Variants in WDPCP observed in about 807,000 individuals in gnomAD.
WDPCP encodes the protein WD repeat containing planar cell polarity effector.
Under a neutral mutation model 93.1 loss-of-function variants are expected in WDPCP, and 71 were observed. That is an observed-to-expected ratio of 0.76 (90% CI 0.63 to 0.93). The LOEUF (loss-of-function observed/expected upper bound fraction) is 0.93. Ranked by LOEUF, WDPCP falls within the 40% of genes least tolerant of loss-of-function variation. The pLI, the probability that WDPCP is intolerant of heterozygous loss-of-function variation, is 0.00. For synonymous variants in WDPCP, 315 were observed against 315.0 expected (o/e 1.00, Z 0.00); for missense variants, 844 against 887.4 (o/e 0.95, Z 0.62).
intron 2 of WDPCP, among the ~76,000 whole-genome samples, chr2:63,732,377 T>C (rs1015511939): frequency 2.0e-5 from 3 of 152,060 alleles, no homozygotes; most frequent in Non-Finnish European, 4.4e-5. Flanking sequence ...CTGGCCAAGA[T>C]GAAATGGCAA....
At chr2:63,658,542 G>A (rs2106634884) in intron 2 of WDPCP, among the ~76,000 whole-genome samples, 1 of 152,276 alleles carries the variant, frequency 6.6e-6, no homozygotes, top group Middle Eastern at 3.4e-3. Flanking sequence ...ACTGAGTGTG[G>A]TATTTCAATC....
At position 63,638,493 on chromosome 2, in the gene WDPCP, A is replaced by G. The variant is rs979243920; in HGVS notation, n.488+12166T>C. Reference sequence around the variant, plus strand: ...CAATTATACCTCAATAAAGCTTTTAAAAAATGAAAAAGTGGGCTGGGTGTA... The same window carrying G: ...CAATTATACCTCAATAAAGCTTTTAGAAAATGAAAAAGTGGGCTGGGTGTA... On this transcript the variant is annotated intron_variant and non_coding_transcript_variant, in intron 3 of 4. Coordinates refer to the WDPCP transcript ENST00000467687. Among the ~76,000 whole-genome samples the G allele has an allele frequency of 1.2e-4, 18 of 152,210 alleles. 2 individuals are homozygous for G. The highest frequency in any genetic ancestry group is 1.1e-3 in the Admixed American group (17 of 15,282).
chr2:63,191,769 A>G (rs1675063433), intron 14 of WDPCP, among the ~76,000 whole-genome samples: 1 of 152,226 alleles, frequency 6.6e-6, no homozygotes, highest in South Asian at 2.1e-4. Flanking sequence ...ATGGCCCACA[A>G]TCTAAGAATG....
upstream of WDPCP, chr2:63,590,478 GA>G (rs1709171233): frequency 6.6e-6 from 1 of 152,192 alleles, no homozygotes; most frequent in Non-Finnish European, 1.5e-5. Flanking sequence ...TTTACTAGCT[GA>G]GATTCCGGAT....
rs1219947424 is a variant in WDPCP at position 63,552,042 on chromosome 2, T to A, written c.75+36155A>T. ...CCTGGGCTCAAGTGATCTTCCTACCTCAGCTTCCTAAGGTTCTGGATTTTC... is the reference window on the plus strand; with the variant it reads ...CCTGGGCTCAAGTGATCTTCCTACCACAGCTTCCTAAGGTTCTGGATTTTC... On this transcript the variant is annotated intron_variant, in intron 1 of 17. Coordinates refer to ENST00000272321, the MANE Select transcript of WDPCP (RefSeq NM_015910.7). Among the ~76,000 whole-genome samples the A allele has an allele frequency of 6.1e-5, 3 of 48,980 alleles. No homozygotes were observed. The Admixed American group carries it at 6.6e-4, about 11-fold the overall frequency. The allele number at this position is 48,980 out of a possible 152,430, so 32.1% of individuals were successfully genotyped here.
rs756959088 is a variant in WDPCP at position 63,340,965 on chromosome 2, T to A, written c.1749-27654A>T. Among the ~76,000 whole-genome samples, 10 of 152,328 alleles carry A rather than the reference T, an allele frequency of 6.6e-5. No homozygotes were observed. The East Asian group carries it at 1.7e-3, about 26-fold the overall frequency. On this transcript the variant is annotated intron_variant, in intron 12 of 17. Transcript: ENST00000272321. ...CCGTAAGTTTCACTGTTTTCATTTT[T>A]AATTTCTGTCAAATTTGACAATGTG...
intron 1 of WDPCP, among the ~76,000 whole-genome samples, chr2:63,500,741 T>C (rs1320705825): frequency 2.0e-5 from 3 of 152,220 alleles, no homozygotes; most frequent in African/African-American, 7.2e-5. Flanking sequence ...GATATTGACC[T>C]ACATTTGTAA....
intron 9 of WDPCP, among the ~76,000 whole-genome samples, chr2:63,414,456 TATATACACACAC>T (rs1695252238): frequency 6.8e-6 from 1 of 147,958 alleles, no homozygotes; most frequent in African/African-American, 2.5e-5. Flanking sequence ...CTGTGATATA[TATATACACACAC>T]ATATACACAC....
chr2:63,573,030 T>G (rs1344791357), intron 1 of WDPCP, among the ~76,000 whole-genome samples: 1 of 152,060 alleles, frequency 6.6e-6, no homozygotes, highest in Admixed American at 6.6e-5. Flanking sequence ...GAGGACTGAC[T>G]GGGGCCAAGA....
At chr2:63,835,696 TC>T in the WDPCP span, among the ~76,000 whole-genome samples, 1 of 152,056 alleles carries the variant, frequency 6.6e-6, no homozygotes, top group Admixed American at 6.6e-5. Flanking sequence ...TCATATTTTT[TC>T]CTGTAGTTTT....
At chr2:63,594,621 G>C in intron 3 of WDPCP, 2 of 1,413,396 alleles carry the variant, frequency 1.4e-6, no homozygotes, top group Non-Finnish European at 2.0e-6. Flanking sequence ...TAAGTTATTA[G>C]AGTAAGAATA....
At chr2:63,529,340 T>C (rs1703628447) in intron 1 of WDPCP, among the ~76,000 whole-genome samples, 1 of 152,230 alleles carries the variant, frequency 6.6e-6, no homozygotes, top group Non-Finnish European at 1.5e-5. Flanking sequence ...AGTATGATAT[T>C]GGCTGCGGGT....
intron 17 of WDPCP, among the ~76,000 whole-genome samples, chr2:63,144,994 C>T (rs1016388588): frequency 6.6e-6 from 1 of 152,170 alleles, no homozygotes; most frequent in South Asian, 2.1e-4. Flanking sequence ...ATGTGGCTTC[C>T]TGTGAGCTGT....
chr2:63,592,066 C>T (rs1709210143), upstream of WDPCP, among the ~76,000 whole-genome samples: 1 of 152,122 alleles, frequency 6.6e-6, no homozygotes, highest in African/African-American at 2.4e-5. Flanking sequence ...CTTCTCTAGC[C>T]CCCTGTTTTA....
At chr2:63,259,531 T>G in intron 13 of WDPCP, 122 bp from the exon 14 acceptor site, 1 of 855,666 alleles carries the variant, frequency 1.2e-6, no homozygotes, top group East Asian at 2.7e-5. Flanking sequence ...AAATATTCTT[T>G]TCTGTGTTTT....
At chr2:63,802,641 C>G (rs1028128996) in intron 2 of WDPCP, among the ~76,000 whole-genome samples, 1 of 151,980 alleles carries the variant, frequency 6.6e-6, no homozygotes, top group African/African-American at 2.4e-5. Flanking sequence ...ATAGAATTCA[C>G]AACATCTCAC....
chr2:63,399,311 T>C (rs573703124), intron 10 of WDPCP, among the ~76,000 whole-genome samples: 2 of 152,212 alleles, frequency 1.3e-5, no homozygotes, highest in South Asian at 2.1e-4. Flanking sequence ...CATTGCCTAA[T>C]TGATTTAGGA....
intron 2 of WDPCP, among the ~76,000 whole-genome samples, chr2:63,736,417 C>T (rs182483826): frequency 6.6e-6 from 1 of 152,326 alleles, no homozygotes; most frequent in South Asian, 2.1e-4. Flanking sequence ...AATGTAGCAA[C>T]CACTTAACTC....
At chr2:63,832,277 A>G (rs908351211), upstream of WDPCP, among the ~76,000 whole-genome samples, 21 of 152,228 alleles carry the variant, frequency 1.4e-4, no homozygotes, top group African/African-American at 4.6e-4. Flanking sequence ...CCATCAGGTA[A>G]TAATGGCCTT....
Sources: allele counts gnomAD v4.1 joint callset (sites outside exome capture counted in the v4.1 genomes callset), GRCh38; gene constraint gnomAD v4.1.1; transcripts MANE v1.5; gene names NCBI Gene and HGNC (gene_info 2026-07-23, HGNC 2026-07-21).